The following HSPBP1 variants were observed in gnomAD, a reference collection of about 807,000 sequenced individuals.
HSPBP1 encodes hsp70-binding protein 1.
In HSPBP1, 31 loss-of-function variants were observed where a neutral mutation model predicts 41.7. The ratio of observed to expected loss-of-function variants is 0.74; its 90% confidence interval spans 0.56 to 1.00. The LOEUF is 1.00. HSPBP1 is among the 50% of genes least tolerant of loss of function. The probability of loss-of-function intolerance (pLI) is 0.00; values close to 1 mark genes in which losing one functional copy is unlikely to be tolerated. For missense variants in HSPBP1, 439 were observed against 487.9 expected, an observed-to-expected ratio of 0.90 and a Z score of 0.94; for synonymous variants, 199 against 214.4, an observed-to-expected ratio of 0.93 and a Z score of 0.63.
At position 55,265,535 on chromosome 19, in the gene HSPBP1, T is replaced by C. The variant is rs2087752629; in HGVS notation, c.894-146A>G. ...GGCCTCCATTTCCCCATCTGCGGAA[T>C]GGACCTCACGCTGCCCCTGGCCCAG... is the stretch of plus-strand genomic sequence containing the variant. On this transcript the variant is annotated intron_variant, in intron 6 of 7. Transcript: ENST00000433386. 33 of 708,458 alleles carry C rather than the reference T, an allele frequency of 4.7e-5. 2 individuals are homozygous for C. The South Asian group carries it at 5.0e-4, about 11-fold the overall frequency. 43.9% of individuals were successfully genotyped at this position (708,458 alleles called of 1,614,324 possible).
rs576685671 is a variant in HSPBP1 at position 55,270,393 on chromosome 19, A to G, written c.640+4005T>C. Among the ~76,000 whole-genome samples, 4 of 152,308 alleles carry G rather than the reference A, an allele frequency of 2.6e-5. No homozygotes were observed. The highest frequency in any genetic ancestry group is 5.9e-5 in the Non-Finnish European group (4 of 68,024). ...GGATTGTGAGGGATCAATGAGGTGCAGCGCACAGGGCTTAGTGCAATGAGA... is the reference window on the plus strand; with the variant it reads ...GGATTGTGAGGGATCAATGAGGTGCGGCGCACAGGGCTTAGTGCAATGAGA... On this transcript the variant is annotated intron_variant, in intron 4 of 7. Coordinates refer to ENST00000433386, the MANE Select transcript of HSPBP1 (RefSeq NM_012267.5). This position sits in a 1 kb window ranked among gnomAD's most constrained non-coding sequence, Gnocchi z 5.4.
chr19:55,264,942 C>T (rs1724623640), intron 7 of HSPBP1, among the ~76,000 whole-genome samples: 1 of 152,046 alleles, frequency 6.6e-6, no homozygotes, highest in African/African-American at 2.4e-5. Flanking sequence ...CTTGGTCTAA[C>T]CTGGGGAATT....
chr19:55,262,512 A>G lies in HSPBP1; in HGVS notation c.*96T>C. On this transcript the variant is annotated 3_prime_UTR_variant, in exon 8 of 8. Coordinates refer to ENST00000433386, the MANE Select transcript of HSPBP1 (RefSeq NM_012267.5). ...TGGCACACCCTGGGTCCAGGCACCT[A>G]GGCCCTGCGATCCCTTGGGAGAGGG... 1 of 1,548,794 alleles carries G rather than the reference A, an allele frequency of 6.5e-7. No homozygotes were observed.
At chr19:55,271,241 C>T (rs569807547) in intron 4 of HSPBP1, among the ~76,000 whole-genome samples, 3 of 151,432 alleles carry the variant, frequency 2.0e-5, no homozygotes, top group South Asian at 4.2e-4. Flanking sequence ...GACAGGGTCT[C>T]ACTCTGTCAC....
chr19:55,264,912 C>T (rs572180657), intron 7 of HSPBP1, among the ~76,000 whole-genome samples: 76 of 152,196 alleles, frequency 5.0e-4, no homozygotes, highest in African/African-American at 1.8e-3. Flanking sequence ...TCTGCCCCTA[C>T]TAGGGTCCCC....
chr19:55,273,671 C>G (rs1423501445), intron 4 of HSPBP1, among the ~76,000 whole-genome samples: 1 of 152,206 alleles, frequency 6.6e-6, no homozygotes, highest in Non-Finnish European at 1.5e-5. Flanking sequence ...CTGGCCAGCT[C>G]TGCCCTATGG....
intron 7 of HSPBP1, among the ~76,000 whole-genome samples, chr19:55,264,819 G>C (rs1385097458): frequency 6.6e-6 from 1 of 152,148 alleles, no homozygotes; most frequent in East Asian, 1.9e-4. Flanking sequence ...CTGCTGAATG[G>C]AAGATAAGTG....
intron 2 of HSPBP1, among the ~76,000 whole-genome samples, chr19:55,278,483 C>T (rs2088136365): frequency 6.6e-6 from 1 of 152,124 alleles, no homozygotes; most frequent in South Asian, 2.1e-4. Flanking sequence ...ATAGCTATCG[C>T]TATGAATCTG....
chr19:55,279,532 C>CCGCCGCCG lies in HSPBP1; in HGVS notation c.76_77insCGGCGGCG (p.Gly26AlafsTer45), dbSNP rs751459244. ...CCCAGCCGAGGAGCCGCCGCCGCCG[C>CCGCCGCCG]CCCCTGAAGAGCAACCCTGGGAGGC... On this transcript the variant is annotated frameshift_variant, in exon 2 of 8. Coordinates refer to ENST00000433386, the MANE Select transcript of HSPBP1 (RefSeq NM_012267.5). LOFTEE classifies it high-confidence loss of function. 4 of 1,610,602 alleles carry CCGCCGCCG rather than the reference C, an allele frequency of 2.5e-6. No individual in the cohort carries two copies. The highest frequency in any genetic ancestry group is 1.7e-5 in the Admixed American group (1 of 59,550).
Position 55,277,667 on chromosome 19 carries a change from C to T in HSPBP1, c.390G>A (p.Leu130=), listed in dbSNP as rs766140902. Residue 130 remains leucine (L), a synonymous_variant, in exon 3 of 8, where the codon CTG becomes CTA. Coordinates refer to ENST00000433386, the MANE Select transcript of HSPBP1 (RefSeq NM_012267.5). ...CTGCGGCATTGTCCATGTTCTCACA[C>T]AGGTCGGCCAGCAGCTCCAGGGCCC... ...REGALELLAD[L]CENMDNAADF... The T allele has an allele frequency of 6.2e-7, 1 of 1,606,114 alleles. No homozygotes were observed. Among genetic ancestry groups the T allele is most frequent in the South Asian group, 1.1e-5 (1 of 89,882 alleles).
chr19:55,274,294 G>C, intron 4 of HSPBP1, 104 bp downstream of exon 4: 4 of 1,068,860 alleles, frequency 3.7e-6, no homozygotes, highest in Non-Finnish European at 5.4e-6. Context: ...GAACAAACGA[G>C]GGAAGGAGAT....
rs1324635671 is a variant in HSPBP1, at chr19:55,262,591, C to A, written c.*17G>T. Reference sequence around the variant, plus strand: ...CCTGGGGTTCCCACGGAGAAGGGGGCAAGAAGCCACCTGGTTTCACCGATC... The same window carrying A: ...CCTGGGGTTCCCACGGAGAAGGGGGAAAGAAGCCACCTGGTTTCACCGATC... On this transcript the variant is annotated 3_prime_UTR_variant, in exon 8 of 8. Transcript: ENST00000433386. The A allele has an allele frequency of 6.2e-7, 1 of 1,613,102 alleles. No individual in the cohort carries two copies. The highest frequency in any genetic ancestry group is 8.5e-7 in the Non-Finnish European group (1 of 1,179,492).
intron 4 of HSPBP1, among the ~76,000 whole-genome samples, chr19:55,269,466 G>A (rs2087866186): frequency 6.6e-6 from 1 of 152,072 alleles, no homozygotes; most frequent in South Asian, 2.1e-4. Context: ...CAGTATGGCT[G>A]CCGTCATTTT....
intron 1 of HSPBP1, 160 bp from the exon 2 acceptor site, chr19:55,279,862 C>G: frequency 1.3e-6 from 1 of 744,362 alleles, no homozygotes; most frequent in Non-Finnish European, 2.2e-6. Context: ...GCAACAGGCC[C>G]CACCCACTCT....
At chr19:55,266,900 C>T (rs537252804) in intron 4 of HSPBP1, among the ~76,000 whole-genome samples, 3 of 152,282 alleles carry the variant, frequency 2.0e-5, no homozygotes, top group Admixed American at 2.0e-4. Flanking sequence ...CACAGATATA[C>T]TTTCTTCCTT....
rs1263515762 is a variant in HSPBP1, at chr19:55,262,316, A to G, written c.*292T>C. 2.4e-6 allele frequency: 3 copies of G among 1,226,216 alleles called. No individual in the cohort carries two copies. Among genetic ancestry groups the G allele is most frequent in the Non-Finnish European group, 2.1e-6 (2 of 968,394 alleles). 76.0% of individuals were successfully genotyped at this position (1,226,216 alleles called of 1,614,324 possible). A position where few individuals can be genotyped will look rare whatever the true frequency, so the allele number is the denominator to read the frequency against. On this transcript the variant is annotated 3_prime_UTR_variant, in exon 8 of 8. Transcript: ENST00000433386. The stretch of plus-strand genomic sequence containing the variant: ...TCCTCCCGTCCCCCATGCACCCTCC[A>G]AAGGAGATGACAAAGGCGGCAGTGA...
In HSPBP1 at chr19:55,262,535, G is replaced by T; in HGVS notation, c.*73C>A. The T allele has an allele frequency of 6.3e-7, 1 of 1,587,778 alleles. No homozygotes were observed. The highest frequency in any genetic ancestry group is 1.1e-5 in the South Asian group (1 of 87,282). ...CTAGGCCCTGCGATCCCTTGGGAGA[G>T]GGCCTTGTAGGTGGGGAGGGAGGCA... On this transcript the variant is annotated 3_prime_UTR_variant, in exon 8 of 8. Coordinates refer to ENST00000433386, the MANE Select transcript of HSPBP1 (RefSeq NM_012267.5).
At chr19:55,263,468 G>T (rs1448757126) in intron 7 of HSPBP1, among the ~76,000 whole-genome samples, 1 of 152,070 alleles carries the variant, frequency 6.6e-6, no homozygotes, top group Non-Finnish European at 1.5e-5. Context: ...TAACATACCT[G>T]ACCCCAGCCA....
chr19:55,264,427 A>C (rs2087719756), intron 7 of HSPBP1, among the ~76,000 whole-genome samples: 1 of 152,206 alleles, frequency 6.6e-6, no homozygotes, highest in Non-Finnish European at 1.5e-5. Flanking sequence ...TGCATTACTT[A>C]ATCAGTTAAC....
Sources: allele counts gnomAD v4.1 joint callset (sites outside exome capture counted in the v4.1 genomes callset), GRCh38; gene constraint gnomAD v4.1.1; non-coding constraint Gnocchi (gnomAD v3.1); transcripts MANE v1.5; gene names NCBI Gene and HGNC (gene_info 2026-07-23, HGNC 2026-07-21).